Variants in ME3 observed in about 807,000 individuals in gnomAD.
ME3 encodes the protein malic enzyme 3.
In ME3, 48 loss-of-function variants were observed where a neutral mutation model predicts 68.9. The ratio of observed to expected loss-of-function variants is 0.70; its 90% CI spans 0.55 to 0.89. The LOEUF (loss-of-function observed/expected upper bound fraction) is 0.89, where lower values mean the gene tolerates loss of function less well. Among genes scored for constraint, ME3 ranks in the 40% least tolerant of loss-of-function variants. The pLI is 0.00. For missense variants in ME3, 675 were observed against 797.4 expected, an observed-to-expected ratio of 0.85 and a Z score of 1.85; for synonymous variants, 320 against 318.8, an observed-to-expected ratio of 1.00 and a Z score of -0.04.
intron 10 of ME3, among the ~76,000 whole-genome samples, chr11:86,448,857 A>C (rs1484839881): frequency 6.6e-6 from 1 of 152,202 alleles, no homozygotes; most frequent in Non-Finnish European, 1.5e-5. Context: ...GCTTTGGATT[A>C]GCTGGCCTCA....
rs749900993 is a variant in ME3, at chr11:86,441,477, A to C, written c.1654-37T>G. The C allele has an allele frequency of 1.9e-6, 3 of 1,542,022 alleles. No individual in the cohort carries two copies. The African/African-American group carries it at 4.1e-5, about 21-fold the overall frequency. On this transcript the variant is annotated intron_variant, in intron 14 of 14. Coordinates refer to ENST00000543262, the Ensembl canonical transcript of ME3. Reference sequence around the variant, plus strand: ...CATGTTTGGCTAAGGAACCGGATCTAAGGGGAAACCTGCTTAAGGATCCTT... The same window carrying C: ...CATGTTTGGCTAAGGAACCGGATCTCAGGGGAAACCTGCTTAAGGATCCTT...
At chr11:86,566,903 T>A (rs1957508733) in intron 2 of ME3, among the ~76,000 whole-genome samples, 1 of 150,684 alleles carries the variant, frequency 6.6e-6, no homozygotes, top group South Asian at 2.1e-4. Flanking sequence ...GTCAGGGGAG[T>A]TGTGAGAAAG....
chr11:86,671,998 G>T, intron 1 of ME3, 40 bp from the exon 2 acceptor site: 1 of 1,347,150 alleles, frequency 7.4e-7, no homozygotes. Flanking sequence ...CCTCCTTCCA[G>T]CCAGCCAGGA....
At chr11:86,539,216 T>C (rs2139332009) in intron 4 of ME3, among the ~76,000 whole-genome samples, 1 of 152,270 alleles carries the variant, frequency 6.6e-6, no homozygotes, top group African/African-American at 2.4e-5. Context: ...TAGCCTTGCC[T>C]ATGCAGTTTC....
chr11:86,519,292 C>T (rs959836374), intron 4 of ME3, among the ~76,000 whole-genome samples: 2 of 152,084 alleles, frequency 1.3e-5, no homozygotes, highest in Non-Finnish European at 2.9e-5. Flanking sequence ...CCATCAGGAG[C>T]CAGAAAAATC....
At chr11:86,518,405 G>A (rs1262262974) in intron 4 of ME3, among the ~76,000 whole-genome samples, 1 of 152,022 alleles carries the variant, frequency 6.6e-6, no homozygotes, top group Non-Finnish European at 1.5e-5. Context: ...GCTTATCATC[G>A]GCCACCTGTT....
chr11:86,491,874 T>A (rs1315006833), intron 6 of ME3, among the ~76,000 whole-genome samples: 1 of 152,250 alleles, frequency 6.6e-6, no homozygotes, highest in East Asian at 1.9e-4. Flanking sequence ...TAAAAAATGT[T>A]GAATTGCTTC....
intron 4 of ME3, among the ~76,000 whole-genome samples, chr11:86,553,777 G>A (rs926391563): frequency 7.2e-5 from 11 of 152,168 alleles, no homozygotes; most frequent in Admixed American, 7.2e-4. Flanking sequence ...TCTAGAAGTG[G>A]TATCTAGCAA....
At chr11:86,528,463 C>T (rs1565905221) in intron 4 of ME3, among the ~76,000 whole-genome samples, 1 of 152,104 alleles carries the variant, frequency 6.6e-6, no homozygotes, top group South Asian at 2.1e-4. Flanking sequence ...AGAAAGTTAA[C>T]AAGGATACCC....
intron 2 of ME3, among the ~76,000 whole-genome samples, chr11:86,655,797 C>G (rs1213619362): frequency 1.3e-5 from 2 of 151,790 alleles, no homozygotes; most frequent in African/African-American, 2.4e-5. Context: ...AAACTACCAT[C>G]AGAGTGAACA....
rs140505164 is a variant in ME3, at chr11:86,643,574, T to A, written c.183+28188A>T. Among the ~76,000 whole-genome samples, 1,405 of 152,336 alleles carry A rather than the reference T, an allele frequency of 9.2e-3. 29 individuals carry two copies. The highest frequency in any genetic ancestry group is 0.032 in the African/African-American group (1,310 of 41,564). On this transcript the variant is annotated intron_variant, in intron 2 of 14. Transcript: ENST00000543262. ...GATGCAACACATTATTTATATAATT[T>A]AAGATCAAAGGCCAGCTACTTTAAG...
chr11:86,590,856 G>A (rs1959011692), intron 2 of ME3, among the ~76,000 whole-genome samples: 1 of 152,218 alleles, frequency 6.6e-6, no homozygotes, highest in South Asian at 2.1e-4. Flanking sequence ...CCTTTGATGA[G>A]CCCACTAGCA....
chr11:86,502,785 T>G (rs1952814445), intron 5 of ME3, among the ~76,000 whole-genome samples: 1 of 152,206 alleles, frequency 6.6e-6, no homozygotes, highest in South Asian at 2.1e-4. Context: ...TGGGGGAGGC[T>G]GTGCCATATT....
chr11:86,467,712 C>CAG (rs1471970486), intron 7 of ME3, among the ~76,000 whole-genome samples: 9 of 150,740 alleles, frequency 6.0e-5, no homozygotes, highest in Non-Finnish European at 1.3e-4. Context: ...CACACACACA[C>CAG]CCCTTTAAGC....
intron 2 of ME3, among the ~76,000 whole-genome samples, chr11:86,633,730 G>A (rs1159927043): frequency 6.6e-6 from 1 of 152,212 alleles, no homozygotes; most frequent in Admixed American, 6.5e-5. Context: ...GGGCCCGGAA[G>A]AGGAGAGGAG....
At chr11:86,540,776 T>C (rs552502962) in intron 4 of ME3, among the ~76,000 whole-genome samples, 19 of 152,282 alleles carry the variant, frequency 1.2e-4, no homozygotes, top group African/African-American at 4.6e-4. Flanking sequence ...TCAATGATCC[T>C]TTACTCTTCC....
rs1957120553 is a variant in ME3 at position 86,559,873 on chromosome 11, A to T, written c.184-50T>A. On this transcript the variant is annotated intron_variant, in intron 2 of 14. Coordinates refer to ENST00000543262, the Ensembl canonical transcript of ME3. ...CCACACATAAGTGCATACTCAGGAG[A>T]CAAAGGAACAGAAGGGGTCCCACCC... The T allele has an allele frequency of 4.4e-6, 7 of 1,586,270 alleles. No homozygotes were observed. The Admixed American group carries it at 5.1e-5, about 12-fold the overall frequency.
chr11:86,544,986 G>A (rs985463292), intron 4 of ME3, among the ~76,000 whole-genome samples: 9 of 152,116 alleles, frequency 5.9e-5, no homozygotes, highest in African/African-American at 1.9e-4. Context: ...CGATCAAGTC[G>A]GCTTCATCCT....
chr11:86,595,193 A>T, intron 2 of ME3, among the ~76,000 whole-genome samples: 1 of 145,064 alleles, frequency 6.9e-6, no homozygotes, highest in Admixed American at 7.4e-5. Flanking sequence ...ATATAAATAA[A>T]GAAATAAAAT....
Sources: gnomAD v4.1 joint callset for allele counts (sites outside exome capture counted in the v4.1 genomes callset) on GRCh38, gnomAD v4.1.1 for gene constraint, MANE v1.5 for transcripts, NCBI Gene and HGNC (gene_info 2026-07-23, HGNC 2026-07-21) for gene names.